The following RERE variants were observed in gnomAD, a reference collection of about 807,000 sequenced individuals.
RERE encodes the protein arginine-glutamic acid dipeptide repeats.
In RERE, 40 loss-of-function variants were observed where a neutral mutation model predicts 146.1. That is an observed-to-expected ratio of 0.27 (90% CI 0.21 to 0.36). The LOEUF is 0.36. RERE is among the 10% of genes least tolerant of loss of function. The probability of loss-of-function intolerance (pLI) is 1.00; values close to 1 mark genes in which losing one functional copy is unlikely to be tolerated. For synonymous variants in RERE, 1,003 were observed against 866.0 expected (o/e 1.16, Z -2.78); for missense variants, 1,933 against 2,138.7 (o/e 0.90, Z 1.90).
Position 8,589,600 on chromosome 1 carries a change from T to C in RERE, c.522+24961A>G, listed in dbSNP as rs566027946. On this transcript the variant is annotated intron_variant, in intron 4 of 22. Coordinates refer to ENST00000400908, the MANE Select transcript of RERE (RefSeq NM_001042681.2). ...AACTAAGTGCTAGGTCCTGTGATAG[T>C]CACAGAATAAGACAGATTAGGTCTT... Among the ~76,000 whole-genome samples the C allele has an allele frequency of 8.9e-4, 136 of 152,368 alleles. 1 individual carries two copies. Among genetic ancestry groups the C allele is most frequent in the African/African-American group, 1.2e-3 (51 of 41,586 alleles).
chr1:8,522,538 CAGT>C (rs1478273713), intron 7 of RERE, among the ~76,000 whole-genome samples: 1 of 152,122 alleles, frequency 6.6e-6, no homozygotes, highest in Non-Finnish European at 1.5e-5. Context: ...TAAATTAACA[CAGT>C]AGCCACGAGT....
chr1:8,388,433 C>G (rs961346635), intron 12 of RERE, among the ~76,000 whole-genome samples: 1 of 152,072 alleles, frequency 6.6e-6, no homozygotes, highest in African/African-American at 2.4e-5. Flanking sequence ...CATTCTCCTG[C>G]CTCAGCCTCC....
At chr1:8,570,657 G>A (rs574289580) in intron 4 of RERE, among the ~76,000 whole-genome samples, 63 of 152,230 alleles carry the variant, frequency 4.1e-4, no homozygotes, top group South Asian at 2.3e-3. Flanking sequence ...AGCAAATGAC[G>A]TCTTGGTATC....
At chr1:8,676,946 A>G (rs1638852748) in intron 1 of RERE, among the ~76,000 whole-genome samples, 1 of 151,986 alleles carries the variant, frequency 6.6e-6, no homozygotes, top group Admixed American at 6.6e-5. Context: ...GTCAGGCCCA[A>G]TTTCCTCCTT....
chr1:8,407,891 A>C (rs1643495361), intron 12 of RERE, among the ~76,000 whole-genome samples: 1 of 152,240 alleles, frequency 6.6e-6, no homozygotes, highest in South Asian at 2.1e-4. Context: ...TCCACCTGGC[A>C]GAAACCCTAG....
chr1:8,584,336 G>A (rs949717261), intron 4 of RERE, among the ~76,000 whole-genome samples: 2 of 152,092 alleles, frequency 1.3e-5, no homozygotes, highest in Admixed American at 6.5e-5. Context: ...CAGGAGGACA[G>A]GAGTTCGAGA....
chr1:8,527,074 C>A (rs1230113155), intron 7 of RERE, among the ~76,000 whole-genome samples: 1 of 152,176 alleles, frequency 6.6e-6, no homozygotes, highest in Non-Finnish European at 1.5e-5. Context: ...CCTCAAGATT[C>A]CTACAGTGAA....
chr1:8,803,151 A>T (rs1415486613), intron 1 of RERE, among the ~76,000 whole-genome samples: 8 of 152,224 alleles, frequency 5.3e-5, no homozygotes. Flanking sequence ...ATGGGAAGAT[A>T]AACTGTATAA....
intron 13 of RERE, among the ~76,000 whole-genome samples, chr1:8,365,039 G>C (rs1004267666): frequency 6.6e-6 from 1 of 152,350 alleles, no homozygotes; most frequent in East Asian, 1.9e-4. Context: ...CTCAGTGTCA[G>C]TCACCAGGAC....
chr1:8,362,099 C>T (rs1025612459), intron 16 of RERE, among the ~76,000 whole-genome samples: 2 of 152,214 alleles, frequency 1.3e-5, no homozygotes, highest in African/African-American at 4.8e-5. Context: ...TCCTCAGATT[C>T]AAGCAACCAT....
intron 7 of RERE, among the ~76,000 whole-genome samples, chr1:8,539,590 G>A (rs1412155748): frequency 6.6e-6 from 1 of 152,042 alleles, no homozygotes; most frequent in Non-Finnish European, 1.5e-5. Context: ...ATTTTTAGTA[G>A]AAATAGGGTT....
At chr1:8,507,383 A>C (rs971328948) in intron 8 of RERE, among the ~76,000 whole-genome samples, 1 of 152,166 alleles carries the variant, frequency 6.6e-6, no homozygotes, top group African/African-American at 2.4e-5. Context: ...AAGTGTCCTA[A>C]CCATCTTGAC....
intron 19 of RERE, among the ~76,000 whole-genome samples, 182 bp downstream of exon 19, chr1:8,359,582 C>T (rs959403097): frequency 2.0e-5 from 3 of 152,218 alleles, no homozygotes; most frequent in African/African-American, 7.2e-5. Flanking sequence ...GCAGTTACCC[C>T]GGCAGCTTCG....
intron 1 of RERE, among the ~76,000 whole-genome samples, chr1:8,723,833 C>A (rs1639906899): frequency 6.6e-6 from 1 of 152,182 alleles, no homozygotes; most frequent in Admixed American, 6.6e-5. Context: ...CCAGAAACAA[C>A]CTACTTTCTA....
At chr1:8,449,328 T>C (rs1349020966) in intron 11 of RERE, among the ~76,000 whole-genome samples, 1 of 152,158 alleles carries the variant, frequency 6.6e-6, no homozygotes, top group Non-Finnish European at 1.5e-5. Flanking sequence ...AACAGTGACA[T>C]TTAAAGGGAA....
At chr1:8,499,696 T>C (rs954309604) in intron 8 of RERE, among the ~76,000 whole-genome samples, 1 of 152,270 alleles carries the variant, frequency 6.6e-6, no homozygotes, top group Admixed American at 6.5e-5. Flanking sequence ...TCCATGCCTC[T>C]AAATGTGTAT....
At chr1:8,416,485 C>G (rs935904276) in intron 12 of RERE, among the ~76,000 whole-genome samples, 1 of 150,488 alleles carries the variant, frequency 6.6e-6, no homozygotes, top group African/African-American at 2.4e-5. Flanking sequence ...ACTCGGGAGG[C>G]TGAGGCAGGA....
At chr1:8,600,842 C>T (rs972664244) in intron 4 of RERE, among the ~76,000 whole-genome samples, 2 of 150,748 alleles carry the variant, frequency 1.3e-5, no homozygotes, top group African/African-American at 4.9e-5. Context: ...GCAAGCTCCG[C>T]CTCCAGGGTT....
chr1:8,605,469 G>A (rs911540887), intron 4 of RERE, among the ~76,000 whole-genome samples: 6 of 152,052 alleles, frequency 3.9e-5, no homozygotes, highest in Non-Finnish European at 8.8e-5. Flanking sequence ...AAGGACGGGT[G>A]CGGTGGCTCA....
Sources: allele counts gnomAD v4.1 joint callset (sites outside exome capture counted in the v4.1 genomes callset), GRCh38; gene constraint gnomAD v4.1.1; transcripts MANE v1.5; gene names NCBI Gene and HGNC (gene_info 2026-07-23, HGNC 2026-07-21).